Variants in SLC7A1 observed in about 807,000 individuals in gnomAD.
SLC7A1 encodes high affinity cationic amino acid transporter 1.
SLC7A1 carries 10 observed loss-of-function variants against 53.9 expected under a neutral mutation model. That is an observed-to-expected ratio of 0.19 (90% CI 0.11 to 0.31). The LOEUF (loss-of-function observed/expected upper bound fraction) is 0.31. Ranked by LOEUF, SLC7A1 falls within the 10% of genes least tolerant of loss-of-function variation. The pLI, the probability that SLC7A1 is intolerant of heterozygous loss-of-function variation, is 1.00. For missense variants in SLC7A1, 525 were observed against 827.2 expected (o/e 0.63, Z 4.48); for synonymous variants, 342 against 338.7 (o/e 1.01, Z -0.11).
At chr13:29,584,064 A>G (rs1953530947) in intron 1 of SLC7A1, among the ~76,000 whole-genome samples, 1 of 152,152 alleles carries the variant, frequency 6.6e-6, no homozygotes, top group Non-Finnish European at 1.5e-5. Context: ...CAAGTTCATG[A>G]GGTTTCTTCT....
At position 29,579,750 on chromosome 13, in the gene SLC7A1, C is replaced by T. The variant is rs185489204; in HGVS notation, c.-115+15666G>A. On this transcript the variant is annotated intron_variant, in intron 1 of 12. Coordinates refer to ENST00000380752, the MANE Select transcript of SLC7A1 (RefSeq NM_003045.5). The stretch of plus-strand genomic sequence containing the variant: ...CTATTCTGAACGGCCCAAGTTCCTC[C>T]GGAGTATTCCTCTGATGGGGCACAA... Among the ~76,000 whole-genome samples, 26 of 152,278 alleles carry T rather than the reference C, an allele frequency of 1.7e-4. No individual in the cohort carries two copies. In the East Asian group the frequency reaches 4.1e-3, roughly 24 times the overall value.
chr13:29,518,023 C>T (rs1809001591), intron 9 of SLC7A1, among the ~76,000 whole-genome samples: 3 of 152,230 alleles, frequency 2.0e-5, no homozygotes, highest in African/African-American at 7.2e-5. Flanking sequence ...GCGACATGAC[C>T]TCCACCATGA....
chr13:29,551,744 G>A (rs1393360474), intron 2 of SLC7A1, among the ~76,000 whole-genome samples: 1 of 152,088 alleles, frequency 6.6e-6, no homozygotes, highest in Non-Finnish European at 1.5e-5. Context: ...ACCTAAACAG[G>A]GAAGGAAAGA....
intron 1 of SLC7A1, among the ~76,000 whole-genome samples, chr13:29,573,379 G>A (rs890169563): frequency 6.6e-6 from 1 of 152,156 alleles, no homozygotes; most frequent in Admixed American, 6.5e-5. Context: ...AGAAAAGAAG[G>A]CAGCTGTTAC....
At chr13:29,570,618 C>T (rs529157614) in intron 1 of SLC7A1, among the ~76,000 whole-genome samples, 2 of 152,260 alleles carry the variant, frequency 1.3e-5, no homozygotes, top group Admixed American at 1.3e-4. Flanking sequence ...GAGGCCAAGT[C>T]AGGCGGATGG....
intron 1 of SLC7A1, among the ~76,000 whole-genome samples, chr13:29,583,646 A>T (rs1871749387): frequency 6.6e-6 from 1 of 152,152 alleles, no homozygotes; most frequent in East Asian, 1.9e-4. Flanking sequence ...CCCTACTCCA[A>T]ATCACCCAAG....
At position 29,514,313 on chromosome 13, in the gene SLC7A1, A is replaced by G. The variant is rs529227105; in HGVS notation, c.*167T>C. 5 of 601,718 alleles carry G rather than the reference A, an allele frequency of 8.3e-6. No homozygotes were observed. Among genetic ancestry groups the G allele is most frequent in the South Asian group, 7.8e-5 (4 of 50,990 alleles). The allele number at this position is 601,718 out of a possible 1,614,324, so 37.3% of individuals were successfully genotyped here. A position where few individuals can be genotyped will look rare whatever the true frequency, so the allele number is the denominator to read the frequency against. On this transcript the variant is annotated 3_prime_UTR_variant, in exon 13 of 13. Transcript: ENST00000380752. Reference sequence around the variant, plus strand: ...CCAGGGCCCGGAGAACCGGCTGCAGAGCCGAGGGTGGGCTGGGGCTGCAGG... The same window carrying G: ...CCAGGGCCCGGAGAACCGGCTGCAGGGCCGAGGGTGGGCTGGGGCTGCAGG...
In SLC7A1 at chr13:29,546,998, C is replaced by G. The variant is rs142281544; in HGVS notation, c.-15+6763G>C. On this transcript the variant is annotated intron_variant, in intron 2 of 12. Transcript: ENST00000380752. Reference sequence around the variant, plus strand: ...TGGCAGATTATATTGCCTGCTGTCACGTAACTTGTAATAGTGAAGCCAGGA... The same window carrying G: ...TGGCAGATTATATTGCCTGCTGTCAGGTAACTTGTAATAGTGAAGCCAGGA... Among the ~76,000 whole-genome samples, 485 of 152,216 alleles carry G rather than the reference C, an allele frequency of 3.2e-3. 1 individual carries two copies. Among genetic ancestry groups the G allele is most frequent in the Non-Finnish European group, 5.1e-3 (347 of 67,978 alleles).
chr13:29,540,285 G>T (rs1290782380), intron 2 of SLC7A1, among the ~76,000 whole-genome samples: 1 of 152,118 alleles, frequency 6.6e-6, no homozygotes, highest in Non-Finnish European at 1.5e-5. Flanking sequence ...TTTATTTGAG[G>T]GTTTGATGGA....
intron 12 of SLC7A1, among the ~76,000 whole-genome samples, chr13:29,514,955 G>A (rs3011625): frequency 0.94 from 142,440 of 152,254 alleles, 67,031 homozygotes; most frequent in Non-Finnish European, 0.99. Flanking sequence ...GGGGTTTCCC[G>A]CAGGTGCTGG....
rs772091363 is a variant in SLC7A1, at chr13:29,536,013, C to T, written c.176G>A (p.Arg59His). The T allele has an allele frequency of 1.5e-5, 24 of 1,613,916 alleles. No individual in the cohort carries two copies. Among genetic ancestry groups the T allele is most frequent in the East Asian group, 2.2e-5 (1 of 44,884 alleles). The stretch of plus-strand genomic sequence containing the variant: ...GACAATGGCAGGGCCTGCATTCTCA[C>T]GGGCCACAGCTCCAGCCAGGACGTA... ...GVYVLAGAVA[R>H]ENAGPAIVIS... The change falls in exon 3 of 13, where the codon CGT (arginine) becomes CAT (histidine). Residue 59 changes from arginine (R) to histidine (H), a missense_variant. Coordinates refer to ENST00000380752, the MANE Select transcript of SLC7A1 (RefSeq NM_003045.5).
chr13:29,556,036 A>G lies in SLC7A1; in HGVS notation c.-114-2176T>C, dbSNP rs566328420. ...ACGATTGCCTGTGGAGTTTTAATATAGTATCAAGGAAGAATATCTACAATT... is the reference window on the plus strand; with the variant it reads ...ACGATTGCCTGTGGAGTTTTAATATGGTATCAAGGAAGAATATCTACAATT... On this transcript the variant is annotated intron_variant, in intron 1 of 12. Coordinates refer to ENST00000380752, the MANE Select transcript of SLC7A1 (RefSeq NM_003045.5). Among the ~76,000 whole-genome samples, 4 of 152,304 alleles carry G rather than the reference A, an allele frequency of 2.6e-5. No individual in the cohort carries two copies. The South Asian group carries it at 8.3e-4, about 32-fold the overall frequency.
intron 1 of SLC7A1, among the ~76,000 whole-genome samples, chr13:29,583,005 C>T (rs1159725050): frequency 6.6e-6 from 1 of 152,222 alleles, no homozygotes; most frequent in Non-Finnish European, 1.5e-5. Context: ...GAAATGTTTC[C>T]TGCTTTGTGT....
At chr13:29,584,182 C>T (rs866753032) in intron 1 of SLC7A1, among the ~76,000 whole-genome samples, 2 of 151,074 alleles carry the variant, frequency 1.3e-5, no homozygotes, top group Non-Finnish European at 2.9e-5. Flanking sequence ...GGCACGATCT[C>T]GTCTCACTGC....
chr13:29,538,485 G>C (rs970674435), intron 2 of SLC7A1, among the ~76,000 whole-genome samples: 2 of 152,190 alleles, frequency 1.3e-5, no homozygotes, highest in Non-Finnish European at 2.9e-5. Flanking sequence ...GCAGTTCTGA[G>C]GTGTCTCAGC....
intron 2 of SLC7A1, among the ~76,000 whole-genome samples, chr13:29,541,326 A>T (rs1054178811): frequency 3.3e-5 from 5 of 152,226 alleles, no homozygotes; most frequent in African/African-American, 1.2e-4. Context: ...CTTGAGAAGG[A>T]GCAATGGAGG....
intron 1 of SLC7A1, among the ~76,000 whole-genome samples, chr13:29,570,630 T>C (rs989652930): frequency 1.3e-5 from 2 of 152,128 alleles, no homozygotes; most frequent in African/African-American, 2.4e-5. Context: ...GGCGGATGGA[T>C]GGCTTGAGCC....
chr13:29,569,783 C>G (rs1214564769), intron 1 of SLC7A1, among the ~76,000 whole-genome samples: 1 of 151,960 alleles, frequency 6.6e-6, no homozygotes, highest in Non-Finnish European at 1.5e-5. Context: ...AGAAAAGCAA[C>G]CATCAGTCCT....
intron 1 of SLC7A1, among the ~76,000 whole-genome samples, chr13:29,572,141 G>A (rs1871222220): frequency 1.3e-5 from 2 of 152,346 alleles, no homozygotes; most frequent in South Asian, 2.1e-4. Flanking sequence ...AACGCAGGTG[G>A]TGAGGGTGCA....
Sources: gnomAD v4.1 joint callset for allele counts (sites outside exome capture counted in the v4.1 genomes callset) on GRCh38, gnomAD v4.1.1 for gene constraint, MANE v1.5 for transcripts, NCBI Gene and HGNC (gene_info 2026-07-23, HGNC 2026-07-21) for gene names.